PAFAH2: variants seen among roughly 807,000 people sequenced by gnomAD.
PAFAH2 encodes the protein platelet-activating factor acetylhydrolase 2, cytoplasmic.
In PAFAH2, 42 loss-of-function variants were observed where a neutral mutation model predicts 49.0. The ratio of observed to expected loss-of-function variants is 0.86; its 90% CI spans 0.67 to 1.11. PAFAH2 has a LOEUF of 1.11. Ranked by LOEUF, PAFAH2 falls within the 50% of genes least tolerant of loss-of-function variation. The pLI is 0.00. For missense variants in PAFAH2, 503 were observed against 501.8 expected (o/e 1.00, Z -0.02); for synonymous variants, 184 against 181.3 (o/e 1.01, Z -0.12).
rs548504706 is a variant in PAFAH2, at chr1:25,988,597, G to A, written c.245-270C>T. Among the ~76,000 whole-genome samples the A allele has an allele frequency of 3.3e-5, 5 of 151,896 alleles. No individual in the cohort carries two copies. In the East Asian group the frequency reaches 9.7e-4, roughly 30 times the overall value. On this transcript the variant is annotated intron_variant, in intron 3 of 10. Coordinates refer to ENST00000374282, the MANE Select transcript of PAFAH2 (RefSeq NM_000437.4). ...TGGCAGGCCAAGGAGGGCGGATCAC[G>A]AGGTCAAGAGACCAGCCTGGCCAAG...
chr1:25,996,947 A>G (rs1158191161), intron 1 of PAFAH2, among the ~76,000 whole-genome samples: 1 of 152,210 alleles, frequency 6.6e-6, no homozygotes, highest in Non-Finnish European at 1.5e-5. Context: ...ATTCTTTCCC[A>G]GCAGCCTTTT....
intron 5 of PAFAH2, 126 bp from the exon 6 acceptor site, chr1:25,984,213 TG>T: frequency 8.9e-7 from 1 of 1,126,344 alleles, no homozygotes; most frequent in East Asian, 2.4e-5. Flanking sequence ...GAAGGAGATC[TG>T]GGGCATGCAT....
At chr1:25,964,734 A>G (rs1434446287) in intron 10 of PAFAH2, among the ~76,000 whole-genome samples, 2 of 152,228 alleles carry the variant, frequency 1.3e-5, no homozygotes, top group African/African-American at 4.8e-5. Context: ...CTACAAAGAG[A>G]GCTACAAAAT....
In PAFAH2 at chr1:25,988,249, T is replaced by C. The variant is rs759352808; in HGVS notation, c.323A>G (p.His108Arg). The part of the protein sequence containing the change: ...DSGYPLIIFS[H>R]GLGAFRTLYS... ...CTCTTACCTGAAGGCTCCTAGGCCATGGGAGAAGATGATCAAGGGGTATCC... is the reference window on the plus strand; with the variant it reads ...CTCTTACCTGAAGGCTCCTAGGCCACGGGAGAAGATGATCAAGGGGTATCC... Residue 108 changes from histidine to arginine, a missense_variant, in exon 4 of 11, where the codon CAT (histidine) becomes CGT (arginine). His to Arg is a conservative substitution (Grantham distance 29). Coordinates refer to ENST00000374282, the MANE Select transcript of PAFAH2 (RefSeq NM_000437.4). 1.5e-5 allele frequency: 24 copies of C among 1,605,242 alleles called. No homozygotes were observed. In the South Asian group the frequency reaches 2.7e-4, roughly 18 times the overall value.
At chr1:25,965,762 A>G (rs2049410313) in intron 10 of PAFAH2, among the ~76,000 whole-genome samples, 1 of 139,140 alleles carries the variant, frequency 7.2e-6, no homozygotes, top group Non-Finnish European at 1.6e-5. Context: ...AGGTCACAGT[A>G]AGCCGAGATC....
At chr1:25,964,372 A>G (rs564553981) in intron 10 of PAFAH2, 1 of 152,382 alleles carries the variant, frequency 6.6e-6, no homozygotes, top group South Asian at 2.1e-4. Context: ...ATGACTCTTC[A>G]GTAAAGTTTC....
At chr1:25,965,972 T>G (rs2049415970) in intron 10 of PAFAH2, among the ~76,000 whole-genome samples, 1 of 150,838 alleles carries the variant, frequency 6.6e-6, no homozygotes, top group African/African-American at 2.4e-5. Context: ...GAATAGACAT[T>G]TTTTTCAAAA....
At chr1:25,986,810 C>T (rs948617060) in intron 4 of PAFAH2, among the ~76,000 whole-genome samples, 4 of 152,002 alleles carry the variant, frequency 2.6e-5, no homozygotes, top group South Asian at 2.1e-4. Context: ...GGATTACAGG[C>T]GTGAGCCACC....
chr1:25,988,142 C>CT (rs923569447), intron 4 of PAFAH2, 89 bp downstream of exon 4: 189 of 803,198 alleles, frequency 2.4e-4, no homozygotes, highest in Admixed American at 1.4e-3. Context: ...ATGGAAATGT[C>CT]TTTTTTTTGC....
chr1:25,995,201 G>A (rs554184921), intron 1 of PAFAH2, among the ~76,000 whole-genome samples: 1 of 152,290 alleles, frequency 6.6e-6, no homozygotes, highest in East Asian at 1.9e-4. Context: ...AGCTTTCCCA[G>A]GTCCTTCCAA....
At position 25,988,182 on chromosome 1, in the gene PAFAH2, T is replaced by C. The variant is rs755600040; in HGVS notation, c.341+49A>G. On this transcript the variant is annotated intron_variant, in intron 4 of 10. Transcript: ENST00000374282. ...TGAGAATAAGCTAAGACTCAGCAGC[T>C]GTCACCAGGCAAGGAGTATGGCAAG... 3 of 1,190,522 alleles carry C rather than the reference T, an allele frequency of 2.5e-6. No individual in the cohort carries two copies. The South Asian group carries it at 4.1e-5, about 16-fold the overall frequency. The allele number at this position is 1,190,522 out of a possible 1,614,324, so 73.7% of individuals were successfully genotyped here.
rs2049853593 is a variant in PAFAH2, at chr1:25,990,289, A to T, written c.90+438T>A. On this transcript the variant is annotated intron_variant, in intron 2 of 10. Transcript: ENST00000374282. The stretch of plus-strand genomic sequence containing the variant: ...GGACCAGTCCAGAAGTCAAAGCAGG[A>T]GGGGAAAACAGATCAAGGCAGGAGA... Among the ~76,000 whole-genome samples the T allele has an allele frequency of 2.0e-5, 3 of 152,124 alleles. No individual in the cohort carries two copies. In the South Asian group the frequency reaches 6.2e-4, roughly 31 times the overall value.
chr1:25,983,550 C>T (rs35319124), intron 6 of PAFAH2, among the ~76,000 whole-genome samples: 1 of 115,994 alleles, frequency 8.6e-6, no homozygotes, highest in Non-Finnish European at 1.9e-5. Flanking sequence ...GAGCAAGATC[C>T]TGTCTCAAAA....
rs943843349 is a variant in PAFAH2, at chr1:25,967,247, C to A, written c.1085-5164G>T. Among the ~76,000 whole-genome samples the A allele has an allele frequency of 7.2e-5, 11 of 152,156 alleles. No homozygotes were observed. In the South Asian group the frequency reaches 2.3e-3, roughly 32 times the overall value. On this transcript the variant is annotated intron_variant, in intron 10 of 10. Transcript: ENST00000374282. ...TGGGTAGGAGGCATGAGAGAAGAGA[C>A]AAGGATGAAGACTTTGACCTGAGTA...
At position 25,989,605 on chromosome 1, in the gene PAFAH2, T is replaced by C. The variant is rs200040787; in HGVS notation, c.91-4A>G. 1.9e-6 allele frequency: 3 copies of C among 1,558,250 alleles called. No homozygotes were observed. Among genetic ancestry groups the C allele is most frequent in the East Asian group, 4.7e-5 (2 of 42,324 alleles). On this transcript the variant is annotated splice_region_variant and splice_polypyrimidine_tract_variant and intron_variant, in intron 2 of 10. Transcript: ENST00000374282. The stretch of plus-strand genomic sequence containing the variant: ...AGAAGAGTCGAAAGAAGCTCCCCTG[T>C]AGGAAAGAAGAGAGCAGCTGCTCAG...
chr1:25,974,590 G>A lies in PAFAH2; in HGVS notation c.819C>T (p.Ala273=). The A allele has an allele frequency of 6.2e-7, 1 of 1,614,058 alleles. No individual in the cohort carries two copies. The highest frequency in any genetic ancestry group is 1.6e-4 in the Middle Eastern group (1 of 6,062). ...FPLERDFYPK[A]RGPVFFINTE... The stretch of plus-strand genomic sequence containing the variant: ...TATTGATAAAGAACACAGGTCCTCG[G>A]GCCTTGGGGTAAAAGTCACGTTCCA... The change falls in exon 9 of 11, where the codon GCC becomes GCT. Residue 273 remains alanine, a synonymous_variant. Transcript: ENST00000374282.
At position 25,988,295 on chromosome 1, in the gene PAFAH2, G is replaced by T. The variant is rs1557529107; in HGVS notation, c.277C>A (p.Pro93Thr). The T allele has an allele frequency of 6.2e-7, 1 of 1,611,146 alleles. No individual in the cohort carries two copies. Among genetic ancestry groups the T allele is most frequent in the South Asian group, 1.1e-5 (1 of 90,532 alleles). Reference protein sequence around the residue: ...SCRLPVSWNGPFKTKDSGYPL... With the variant: ...SCRLPVSWNGTFKTKDSGYPL... Reference sequence around the variant, plus strand: ...TATCCAGAGTCCTTTGTCTTAAAGGGGCCATTCCAGCTAACAGGCAGGCGA... The same window carrying T: ...TATCCAGAGTCCTTTGTCTTAAAGGTGCCATTCCAGCTAACAGGCAGGCGA... Residue 93 changes from proline to threonine, a missense_variant, in exon 4 of 11, where the codon CCC becomes ACC. By Grantham distance (38) the Pro-to-Thr change is conservative. Transcript: ENST00000374282.
intron 1 of PAFAH2, among the ~76,000 whole-genome samples, chr1:25,994,389 C>T (rs1336044849): frequency 6.6e-6 from 1 of 152,106 alleles, no homozygotes; most frequent in Non-Finnish European, 1.5e-5. Flanking sequence ...CCTTAGCCTC[C>T]CAAGGTGCTT....
At chr1:25,973,146 C>T (rs549023216) in intron 9 of PAFAH2, among the ~76,000 whole-genome samples, 11 of 152,266 alleles carry the variant, frequency 7.2e-5, no homozygotes, top group Admixed American at 4.6e-4. Context: ...TTCTTCAGAA[C>T]TGTACCACAG....
Sources: gnomAD v4.1 joint callset for allele counts (sites outside exome capture counted in the v4.1 genomes callset) on GRCh38, gnomAD v4.1.1 for gene constraint, MANE v1.5 for transcripts, NCBI Gene and HGNC (gene_info 2026-07-23, HGNC 2026-07-21) for gene names.